Variants in PHRF1 observed in about 807,000 individuals in gnomAD.
PHRF1 encodes PHD and RING finger domain-containing protein 1.
A neutral mutation model predicts 128.9 loss-of-function variants in PHRF1; 53 were observed. The ratio of observed to expected loss-of-function variants is 0.41; its 90% confidence interval spans 0.33 to 0.52. The LOEUF (loss-of-function observed/expected upper bound fraction) is 0.52. PHRF1 is among the 20% of genes least tolerant of loss of function. PHRF1 has a pLI of 0.21. For synonymous variants in PHRF1, 1,178 were observed against 980.6 expected (o/e 1.20, Z -3.76); for missense variants, 2,503 against 2,284.5 (o/e 1.10, Z -1.95).
intron 6 of PHRF1, among the ~76,000 whole-genome samples, chr11:594,918 C>A (rs1855195380): frequency 6.6e-6 from 1 of 152,216 alleles, no homozygotes; most frequent in African/African-American, 2.4e-5. Context: ...TACATAAAAA[C>A]CCTGGTGGAT....
Position 586,240 on chromosome 11 carries a change from C to G in PHRF1, c.215-1019C>G, listed in dbSNP as rs570242564. On this transcript the variant is annotated intron_variant, in intron 3 of 17. Coordinates refer to ENST00000264555, the MANE Select transcript of PHRF1 (RefSeq NM_001286581.2). ...ATCTCCTGACCTCGTGATCTGCCCA[C>G]CTCAGCCTCCCAAAGATGCCGGGAT... is the stretch of plus-strand genomic sequence containing the variant. Among the ~76,000 whole-genome samples the G allele has an allele frequency of 3.3e-5, 5 of 152,094 alleles. No homozygotes were observed. The South Asian group carries it at 8.3e-4, about 25-fold the overall frequency.
intron 9 of PHRF1, among the ~76,000 whole-genome samples, chr11:599,285 C>A (rs1364279586): frequency 1.6e-5 from 2 of 125,490 alleles, no homozygotes; most frequent in Admixed American, 9.8e-5. Flanking sequence ...GACAGAGTCT[C>A]GCTCTCCCAG....
rs1424010033 is a variant in PHRF1 at position 596,813 on chromosome 11, A to G, written c.621-110A>G. The stretch of plus-strand genomic sequence containing the variant: ...TGTGGGTCAGCCCATAACAGAATGC[A>G]TCGCAGACTTGGGTGCCATCGGAGG... On this transcript the variant is annotated intron_variant, in intron 6 of 17. Transcript: ENST00000264555. The G allele has an allele frequency of 4.6e-6, 4 of 860,666 alleles. No individual in the cohort carries two copies. The East Asian group carries it at 7.6e-5, about 16-fold the overall frequency. The allele number at this position is 860,666 out of a possible 1,614,324, so 53.3% of individuals were successfully genotyped here.
intron 12 of PHRF1, 71 bp downstream of exon 12, chr11:605,795 G>A: frequency 1.3e-6 from 2 of 1,512,384 alleles, no homozygotes; most frequent in Non-Finnish European, 1.8e-6. Context: ...TCTAGGGTGG[G>A]GCCGTGATAG....
At position 609,362 on chromosome 11, in the gene PHRF1, C is replaced by T; in HGVS notation, c.3906C>T (p.Asp1302=). Residue 1302 remains aspartate, a synonymous_variant, in exon 14 of 18, where the codon GAC becomes GAT. Coordinates refer to ENST00000264555, the MANE Select transcript of PHRF1 (RefSeq NM_001286581.2). ...GCACAGACTCTTCCCCGGAGCGAGACTTCCCACTGAAGCCTGCGTTGCCCC... is the reference window on the plus strand; with the variant it reads ...GCACAGACTCTTCCCCGGAGCGAGATTTCCCACTGAAGCCTGCGTTGCCCC... ...PESTDSSPER[D]FPLKPALPPA... The T allele has an allele frequency of 6.2e-7, 1 of 1,612,284 alleles. No homozygotes were observed. The highest frequency in any genetic ancestry group is 8.5e-7 in the Non-Finnish European group (1 of 1,179,878).
At chr11:604,963 C>T (rs141565712) in intron 10 of PHRF1, among the ~76,000 whole-genome samples, 156 bp from the exon 11 acceptor site, 16 of 152,354 alleles carry the variant, frequency 1.1e-4, no homozygotes, top group African/African-American at 3.6e-4. Context: ...TCCTGCTTGT[C>T]GGTCATCATG....
chr11:598,697 G>A (rs1307931748), intron 9 of PHRF1, among the ~76,000 whole-genome samples, 195 bp downstream of exon 9: 1 of 152,242 alleles, frequency 6.6e-6, no homozygotes, highest in Non-Finnish European at 1.5e-5. Flanking sequence ...CTGCGACCAC[G>A]CTGCCTCTGG....
At chr11:599,247 TC>T (rs748630377) in intron 9 of PHRF1, among the ~76,000 whole-genome samples, 1 of 145,040 alleles carries the variant, frequency 6.9e-6, no homozygotes, top group Middle Eastern at 3.6e-3. Context: ...TTTTTTTTTT[TC>T]TTTTCTTTTT....
chr11:603,449 C>T (rs991851084), intron 10 of PHRF1, among the ~76,000 whole-genome samples: 4 of 152,010 alleles, frequency 2.6e-5, no homozygotes, highest in Non-Finnish European at 4.4e-5. Flanking sequence ...GATCCTCCCA[C>T]GTCAGCCTCT....
In PHRF1 at chr11:611,801, C is replaced by T. The variant is rs776010268; in HGVS notation, c.*24C>T. 10 of 1,579,198 alleles carry T rather than the reference C, an allele frequency of 6.3e-6. No individual in the cohort carries two copies. The highest frequency in any genetic ancestry group is 6.0e-6 in the Non-Finnish European group (7 of 1,164,540). On this transcript the variant is annotated 3_prime_UTR_variant, in exon 18 of 18. Transcript: ENST00000264555. ...GAGGCCAGGCAATCACGGGCTATGC[C>T]CGGGGAGCTGTCGGGAGTGGCGGGA...
chr11:608,562 T>G lies in PHRF1; in HGVS notation c.3106T>G (p.Ser1036Ala). Residue 1036 changes from serine (S) to alanine (A), a missense_variant, in exon 14 of 18, where the codon TCA becomes GCA. Ser to Ala is a moderately conservative substitution (Grantham distance 99). Transcript: ENST00000264555. ...CAGGAGCTCGAGGTCAGCGTCACCA[T>G]CAGTGGGTGAGGAGCGCCCCAGGAG... ...RDRSSRSASP[S>A]VGEERPRRQR... 6.2e-7 allele frequency: 1 copy of G among 1,612,194 alleles called. No individual in the cohort carries two copies. Among genetic ancestry groups the G allele is most frequent in the Non-Finnish European group, 8.5e-7 (1 of 1,179,776 alleles).
Position 610,934 on chromosome 11 carries a change from C to T in PHRF1, c.4678-20C>T, listed in dbSNP as rs191602878. 1 of 1,610,538 alleles carries T rather than the reference C, an allele frequency of 6.2e-7. No homozygotes were observed. Among genetic ancestry groups the T allele is most frequent in the East Asian group, 2.2e-5 (1 of 44,828 alleles). ...CTCCCGGCTCCCTTCCTGGCCGCAT[C>T]ACACACATGTCCCCTCTAGTACATG... On this transcript the variant is annotated intron_variant, in intron 16 of 17. Transcript: ENST00000264555.
chr11:605,208 A>G lies in PHRF1; in HGVS notation c.1242A>G (p.Pro414=). 6.2e-7 allele frequency: 1 copy of G among 1,613,548 alleles called. No individual in the cohort carries two copies. ...HSSCIPSVLK[P]VEPSLGLLRA... is the part of the protein sequence containing the mutation. ...GCTGCATCCCGTCAGTGTTGAAGCC[A>G]GTGGAGCCCTCTTTGGGGCTGCTGA... Residue 414 remains proline (P), a synonymous_variant, in exon 11 of 18, where the codon CCA becomes CCG. Coordinates refer to ENST00000264555, the MANE Select transcript of PHRF1 (RefSeq NM_001286581.2).
chr11:584,612 A>G (rs921705584), intron 3 of PHRF1, among the ~76,000 whole-genome samples: 1 of 151,686 alleles, frequency 6.6e-6, no homozygotes, highest in Non-Finnish European at 1.5e-5. Context: ...GTGAAGAGAC[A>G]GGTTTATGGA....
At position 610,236 on chromosome 11, in the gene PHRF1, C is replaced by T; in HGVS notation, c.4305C>T (p.Ala1435=). The T allele has an allele frequency of 6.4e-6, 10 of 1,550,688 alleles. No individual in the cohort carries two copies. Among genetic ancestry groups the T allele is most frequent in the Non-Finnish European group, 8.7e-6 (10 of 1,146,732 alleles). Residue 1435 remains alanine (A), a synonymous_variant, in exon 15 of 18, where the codon GCC becomes GCT. Coordinates refer to ENST00000264555, the MANE Select transcript of PHRF1 (RefSeq NM_001286581.2). ...LHRPQKPREG[A]WDMEDVAPTG... Reference sequence around the variant, plus strand: ...GGCCACAGAAGCCCCGAGAAGGAGCCTGGGACATGGAGGATGTGGCCCCCA... The same window carrying T: ...GGCCACAGAAGCCCCGAGAAGGAGCTTGGGACATGGAGGATGTGGCCCCCA...
At position 611,098 on chromosome 11, in the gene PHRF1, G is replaced by A; in HGVS notation, c.4806+16G>A. 1 of 1,612,326 alleles carries A rather than the reference G, an allele frequency of 6.2e-7. No individual in the cohort carries two copies. The highest frequency in any genetic ancestry group is 2.2e-5 in the East Asian group (1 of 44,848). On this transcript the variant is annotated intron_variant, in intron 17 of 17. Coordinates refer to ENST00000264555, the MANE Select transcript of PHRF1 (RefSeq NM_001286581.2). ...CGTGCAGAAGGTGGGCTGTGTGCGAGCCTGTGTGTGGGGCTCGGGGTCACG... is the reference window on the plus strand; with the variant it reads ...CGTGCAGAAGGTGGGCTGTGTGCGAACCTGTGTGTGGGGCTCGGGGTCACG...
chr11:607,683 G>C lies in PHRF1; in HGVS notation c.2227G>C (p.Val743Leu). ...ASSRVPREPG[V>L]HTGSSRPPAP... ...CAGCAGGGTGCCCCGGGAGCCCGGGGTGCACACGGGCAGCTCCCGGCCCCC... is the reference window on the plus strand; with the variant it reads ...CAGCAGGGTGCCCCGGGAGCCCGGGCTGCACACGGGCAGCTCCCGGCCCCC... The change falls in exon 14 of 18, where the codon GTG becomes CTG. Residue 743 changes from valine (V) to leucine (L), a missense_variant. Val to Leu is a conservative substitution (Grantham distance 32). Transcript: ENST00000264555. The C allele has an allele frequency of 6.2e-7, 1 of 1,610,396 alleles. No individual in the cohort carries two copies. The highest frequency in any genetic ancestry group is 8.5e-7 in the Non-Finnish European group (1 of 1,178,410).
intron 3 of PHRF1, among the ~76,000 whole-genome samples, chr11:584,952 G>A (rs1854440215): frequency 6.6e-6 from 1 of 152,070 alleles, no homozygotes; most frequent in Non-Finnish European, 1.5e-5. Context: ...TGGCCAGGCT[G>A]GTCTTGAACT....
intron 10 of PHRF1, among the ~76,000 whole-genome samples, chr11:602,149 G>A (rs1855662469): frequency 6.6e-6 from 1 of 152,158 alleles, no homozygotes; most frequent in Non-Finnish European, 1.5e-5. Context: ...ATGTTCGCTG[G>A]GCCCTGGGAG....
Sources: allele counts gnomAD v4.1 joint callset (sites outside exome capture counted in the v4.1 genomes callset), GRCh38; gene constraint gnomAD v4.1.1; transcripts MANE v1.5; gene names NCBI Gene and HGNC (gene_info 2026-07-23, HGNC 2026-07-21).